SSBP2: variants seen among roughly 807,000 people sequenced by gnomAD.
SSBP2 encodes single-stranded DNA-binding protein 2.
Under a neutral mutation model 61.8 loss-of-function variants are expected in SSBP2, and 17 were observed. That is an observed-to-expected ratio of 0.28 (90% CI 0.19 to 0.41). The LOEUF is 0.41. Among genes scored for constraint, SSBP2 ranks in the 10% least tolerant of loss-of-function variants. The pLI, the probability that SSBP2 is intolerant of heterozygous loss-of-function variation, is 1.00. For missense variants in SSBP2, 310 were observed against 458.7 expected (o/e 0.68, Z 2.96); for synonymous variants, 139 against 141.3 (o/e 0.98, Z 0.12).
chr5:81,607,023 A>G (rs1458304968), intron 4 of SSBP2, among the ~76,000 whole-genome samples: 1 of 152,226 alleles, frequency 6.6e-6, no homozygotes, highest in East Asian at 1.9e-4. Flanking sequence ...AGTTTCTAAT[A>G]TACACGCTGA....
chr5:81,751,176 C>T, upstream of SSBP2: 1 of 945,766 alleles, frequency 1.1e-6, no homozygotes, highest in Non-Finnish European at 1.6e-6. Flanking sequence ...GCTCCGCCCC[C>T]TTCGCCCAGG....
chr5:81,658,819 C>T (rs971186237), intron 1 of SSBP2, among the ~76,000 whole-genome samples: 3 of 152,126 alleles, frequency 2.0e-5, no homozygotes, highest in Non-Finnish European at 2.9e-5. Flanking sequence ...GCTTATCCAC[C>T]ACGATCAACT....
chr5:81,645,377 A>G (rs1481356839), intron 2 of SSBP2, among the ~76,000 whole-genome samples: 1 of 152,208 alleles, frequency 6.6e-6, no homozygotes, highest in Non-Finnish European at 1.5e-5. Flanking sequence ...AAATCTGAAG[A>G]AGGAATCCCT....
At chr5:81,730,109 T>C (rs1756155857) in intron 1 of SSBP2, among the ~76,000 whole-genome samples, 2 of 152,224 alleles carry the variant, frequency 1.3e-5, no homozygotes, top group African/African-American at 4.8e-5. Context: ...TCTTTTTTAA[T>C]TAAATGAGAT....
chr5:81,474,494 A>G lies in SSBP2; in HGVS notation c.499+2T>C, dbSNP rs764269734. 6.2e-7 allele frequency: 1 copy of G among 1,612,144 alleles called. No homozygotes were observed. Among genetic ancestry groups the G allele is most frequent in the East Asian group, 2.2e-5 (1 of 44,678 alleles). On this transcript the variant is annotated splice_donor_variant, in intron 7 of 16. Coordinates refer to ENST00000320672, the MANE Select transcript of SSBP2 (RefSeq NM_012446.5). LOFTEE classifies it high-confidence loss of function. ...ATTTTCCTTTTACTTTAGAGTAGTC[A>G]CCTTGTTGTCGAGTTGGATCCATTC...
At chr5:81,743,745 T>C (rs763724008) in intron 1 of SSBP2, among the ~76,000 whole-genome samples, 1 of 152,202 alleles carries the variant, frequency 6.6e-6, no homozygotes, top group Non-Finnish European at 1.5e-5. Context: ...TCCTCCCTGA[T>C]TGGTGAGACA....
chr5:81,451,939 C>T (rs1375006860), intron 10 of SSBP2, among the ~76,000 whole-genome samples: 2 of 152,152 alleles, frequency 1.3e-5, no homozygotes, highest in Non-Finnish European at 2.9e-5. Context: ...GGGCTCCTAG[C>T]CCTAGGACCA....
intron 1 of SSBP2, among the ~76,000 whole-genome samples, chr5:81,690,663 A>G (rs1372792656): frequency 6.6e-6 from 1 of 152,136 alleles, no homozygotes; most frequent in Non-Finnish European, 1.5e-5. Flanking sequence ...AGCATTTGAC[A>G]GATCGTTCAG....
intron 10 of SSBP2, among the ~76,000 whole-genome samples, chr5:81,451,982 G>T (rs1375817392): frequency 6.6e-6 from 1 of 152,120 alleles, no homozygotes; most frequent in African/African-American, 2.4e-5. Flanking sequence ...TAACAATATA[G>T]GTAGAAGTAC....
At chr5:81,729,899 T>C (rs912547527) in intron 1 of SSBP2, among the ~76,000 whole-genome samples, 2 of 152,118 alleles carry the variant, frequency 1.3e-5, no homozygotes, top group Non-Finnish European at 2.9e-5. Context: ...TCAAAATAAA[T>C]AGTTATATAA....
At chr5:81,565,175 A>G (rs1773330503) in intron 4 of SSBP2, among the ~76,000 whole-genome samples, 1 of 152,192 alleles carries the variant, frequency 6.6e-6, no homozygotes, top group South Asian at 2.1e-4. Flanking sequence ...TTCTAAATCA[A>G]AAAATGGGAC....
At chr5:81,665,984 A>C (rs780022357) in intron 1 of SSBP2, among the ~76,000 whole-genome samples, 1 of 152,242 alleles carries the variant, frequency 6.6e-6, no homozygotes, top group Non-Finnish European at 1.5e-5. Flanking sequence ...AAGGCTGCTC[A>C]TAAGACTGTG....
At chr5:81,470,700 C>A (rs1765193371) in intron 8 of SSBP2, among the ~76,000 whole-genome samples, 1 of 151,870 alleles carries the variant, frequency 6.6e-6, no homozygotes, top group Admixed American at 6.6e-5. Context: ...TTTGTTTGTG[C>A]ATAAATCTAG....
intron 4 of SSBP2, among the ~76,000 whole-genome samples, chr5:81,610,850 C>T (rs145935062): frequency 0.023 from 3,530 of 152,050 alleles, 54 homozygotes; most frequent in Non-Finnish European, 0.037. Context: ...AAAAATTAGC[C>T]GGGCATGGTG....
intron 6 of SSBP2, among the ~76,000 whole-genome samples, chr5:81,477,775 C>A (rs7728936): frequency 0.028 from 4,238 of 152,184 alleles, 191 homozygotes; most frequent in African/African-American, 0.096. Context: ...AAAGTAGGGA[C>A]CCTATCTGTG....
At chr5:81,648,765 G>A (rs528938697) in intron 2 of SSBP2, among the ~76,000 whole-genome samples, 85 of 151,998 alleles carry the variant, frequency 5.6e-4, no homozygotes, top group African/African-American at 2.0e-3. Flanking sequence ...TTTTGATACA[G>A]GCATATAATG....
intron 4 of SSBP2, among the ~76,000 whole-genome samples, chr5:81,573,142 G>A (rs1457562992): frequency 6.6e-6 from 1 of 152,112 alleles, no homozygotes; most frequent in African/African-American, 2.4e-5. Flanking sequence ...TTGGGGTTTT[G>A]TTGGTTTAGA....
chr5:81,550,721 T>C (rs1561530692), intron 4 of SSBP2, among the ~76,000 whole-genome samples: 1 of 152,208 alleles, frequency 6.6e-6, no homozygotes, highest in Non-Finnish European at 1.5e-5. Context: ...TTGTATTCTA[T>C]GGAATCATAG....
At chr5:81,446,781 T>C in intron 12 of SSBP2, 87 bp downstream of exon 12, 1 of 1,313,350 alleles carries the variant, frequency 7.6e-7, no homozygotes, top group Non-Finnish European at 1.1e-6. Context: ...ACATGAATAC[T>C]ACTAACTTTA....
Sources: allele counts gnomAD v4.1 joint callset (sites outside exome capture counted in the v4.1 genomes callset), GRCh38; gene constraint gnomAD v4.1.1; transcripts MANE v1.5; gene names NCBI Gene and HGNC (gene_info 2026-07-23, HGNC 2026-07-21).